The following RCCD1 variants were observed in gnomAD, a reference collection of about 807,000 sequenced individuals.
RCCD1 encodes the protein RCC1 domain containing 1.
RCCD1 carries 40 observed loss-of-function variants against 37.6 expected under a neutral mutation model. That is an observed-to-expected ratio of 1.06 (90% CI 0.83 to 1.39). The LOEUF (loss-of-function observed/expected upper bound fraction) is 1.39. Ranked by LOEUF, RCCD1 falls within the 40% of genes most tolerant of loss-of-function variation. The pLI, the probability that RCCD1 is intolerant of heterozygous loss-of-function variation, is 0.00. For missense variants in RCCD1, 577 were observed against 517.3 expected (o/e 1.12, Z -1.12); for synonymous variants, 263 against 230.0 (o/e 1.14, Z -1.30).
Position 90,956,716 on chromosome 15 carries a change from C to A in RCCD1, c.-19C>A. ...CCCGCCGCAGCCAGGCGGCGGCCGG[C>A]AGAGGGCGCTGCTCGGGCATGGCGG... On this transcript the variant is annotated 5_prime_UTR_variant, in exon 2 of 8. Transcript: ENST00000394258. 1 of 1,277,822 alleles carries A rather than the reference C, an allele frequency of 7.8e-7. No homozygotes were observed. The highest frequency in any genetic ancestry group is 9.9e-7 in the Non-Finnish European group (1 of 1,012,366). The allele number at this position is 1,277,822 out of a possible 1,614,324, so 79.2% of individuals were successfully genotyped here.
At chr15:90,958,458 C>G (rs1351806766) in intron 4 of RCCD1, among the ~76,000 whole-genome samples, 3 of 151,740 alleles carry the variant, frequency 2.0e-5, no homozygotes, top group Admixed American at 6.6e-5. Context: ...GAAACCCCGT[C>G]TCTAAAAAAA....
intron 6 of RCCD1, 48 bp downstream of exon 6, chr15:90,960,546 G>A (rs1444519808): frequency 4.5e-6 from 7 of 1,558,392 alleles, no homozygotes; most frequent in African/African-American, 2.7e-5. Context: ...TGGTGCCTAC[G>A]GAAGGGGGTG....
intron 7 of RCCD1, 37 bp from the exon 8 acceptor site, chr15:90,961,581 A>G (rs929795823): frequency 1.9e-6 from 3 of 1,594,198 alleles, no homozygotes; most frequent in Middle Eastern, 1.8e-4. Context: ...AGCAAGACCC[A>G]GTGGAGACGA....
At chr15:90,957,985 T>C (rs1184411604) in intron 4 of RCCD1, among the ~76,000 whole-genome samples, 2 of 152,148 alleles carry the variant, frequency 1.3e-5, no homozygotes, top group Non-Finnish European at 2.9e-5. Flanking sequence ...CCCCACCTGC[T>C]CCCAGCCAGG....
rs2037340671 is a variant in RCCD1, at chr15:90,962,800, G to C, written c.*1031G>C. 1 of 152,214 alleles carries C rather than the reference G, an allele frequency of 6.6e-6. No individual in the cohort carries two copies. The highest frequency in any genetic ancestry group is 2.4e-5 in the African/African-American group (1 of 41,460). The allele number at this position is 152,214 out of a possible 1,614,324, so 9.4% of individuals were successfully genotyped here. ...AGTGATTTTTCTTTTGGATATTTCA[G>C]ATACAAGTCTTTTGAGAGTTAGTAT... On this transcript the variant is annotated 3_prime_UTR_variant, in exon 8 of 8. Coordinates refer to ENST00000394258, the MANE Select transcript of RCCD1 (RefSeq NM_001017919.2).
Position 90,961,965 on chromosome 15 carries a change from G to GC in RCCD1, c.*197dup, listed in dbSNP as rs2037324629. 2.3e-6 allele frequency: 1 copy of GC among 432,142 alleles called. No individual in the cohort carries two copies. Among genetic ancestry groups the GC allele is most frequent in the Admixed American group, 3.9e-5 (1 of 25,396 alleles). 26.8% of individuals were successfully genotyped at this position (432,142 alleles called of 1,614,324 possible). Reference sequence around the variant, plus strand: ...TTGAAAACTCTGCTGCCTAAGGTCAGCATCAATCAAAACAATGAAATCAAT... The same window carrying GC: ...TTGAAAACTCTGCTGCCTAAGGTCAGCCATCAATCAAAACAATGAAATCAAT... On this transcript the variant is annotated 3_prime_UTR_variant, in exon 8 of 8. Transcript: ENST00000394258.
intron 5 of RCCD1, 56 bp from the exon 6 acceptor site, chr15:90,960,272 A>C: frequency 6.6e-7 from 1 of 1,514,328 alleles, no homozygotes; most frequent in Non-Finnish European, 8.9e-7. Context: ...TGACTGCATG[A>C]ATAAGATTTA....
chr15:90,961,499 T>G, intron 7 of RCCD1, 119 bp from the exon 8 acceptor site: 1 of 1,201,468 alleles, frequency 8.3e-7, no homozygotes, highest in Non-Finnish European at 1.1e-6. Context: ...GTCTCTTGGA[T>G]TCACAGAGCA....
In RCCD1 at chr15:90,962,275, TG is replaced by T; in HGVS notation, c.*509del. On this transcript the variant is annotated 3_prime_UTR_variant, in exon 8 of 8. Coordinates refer to ENST00000394258, the MANE Select transcript of RCCD1 (RefSeq NM_001017919.2). ...TCAGCATTGTATAATCCATCCTTGTTGGGTCCTGGAGTTCATTTTTAATGCT... is the reference window on the plus strand; with the variant it reads ...TCAGCATTGTATAATCCATCCTTGTTGGTCCTGGAGTTCATTTTTAATGCT... 3 of 153,612 alleles carry T rather than the reference TG, an allele frequency of 2.0e-5. No individual in the cohort carries two copies. The Middle Eastern group carries it at 0.01, about 519-fold the overall frequency. 9.5% of individuals were successfully genotyped at this position (153,612 alleles called of 1,614,324 possible).
chr15:90,961,819 C>A lies in RCCD1; in HGVS notation c.*50C>A. On this transcript the variant is annotated 3_prime_UTR_variant, in exon 8 of 8. Coordinates refer to ENST00000394258, the MANE Select transcript of RCCD1 (RefSeq NM_001017919.2). The stretch of plus-strand genomic sequence containing the variant: ...ACACCTGTGAGACCCCCATTCAGGT[C>A]AAGGAAAACCATTGCCTGCACCCCA... 1.9e-6 allele frequency: 3 copies of A among 1,564,854 alleles called. No individual in the cohort carries two copies. The highest frequency in any genetic ancestry group is 2.3e-5 in the South Asian group (2 of 85,126).
rs2037323279 is a variant in RCCD1 at position 90,961,903 on chromosome 15, C to A, written c.*134C>A. On this transcript the variant is annotated 3_prime_UTR_variant, in exon 8 of 8. Transcript: ENST00000394258. ...CTGCCCTTCACCCTCAAGCACGGTC[C>A]TAAACTTGTCTGCACTTTAGAAACA... 29 of 782,372 alleles carry A rather than the reference C, an allele frequency of 3.7e-5. No homozygotes were observed. The East Asian group carries it at 7.6e-4, about 21-fold the overall frequency. 48.5% of individuals were successfully genotyped at this position (782,372 alleles called of 1,614,324 possible).
Position 90,960,422 on chromosome 15 carries a change from G to C in RCCD1, c.873G>C (p.Pro291=). The C allele has an allele frequency of 6.2e-7, 1 of 1,613,558 alleles. No individual in the cohort carries two copies. The highest frequency in any genetic ancestry group is 8.5e-7 in the Non-Finnish European group (1 of 1,180,000). Reference sequence around the variant, plus strand: ...CCTTCATAGCTGTCCAGCCCTTCCCGGCATTACTGGATCTCCCCATGGGCT... The same window carrying C: ...CCTTCATAGCTGTCCAGCCCTTCCCCGCATTACTGGATCTCCCCATGGGCT... The part of the protein sequence containing the change: ...PAPFIAVQPF[P]ALLDLPMGSD... The change falls in exon 6 of 8, where the codon CCG becomes CCC. Residue 291 remains proline, a synonymous_variant. Coordinates refer to ENST00000394258, the MANE Select transcript of RCCD1 (RefSeq NM_001017919.2).
In RCCD1 at chr15:90,957,435, G is replaced by A; in HGVS notation, c.489G>A (p.Leu163=). The A allele has an allele frequency of 6.5e-7, 1 of 1,538,910 alleles. No individual in the cohort carries two copies. Among genetic ancestry groups the A allele is most frequent in the Non-Finnish European group, 8.7e-7 (1 of 1,145,662 alleles). Residue 163 remains leucine, a synonymous_variant, in exon 3 of 8, where the codon CTG becomes CTA. Coordinates refer to ENST00000394258, the MANE Select transcript of RCCD1 (RefSeq NM_001017919.2). Reference sequence around the variant, plus strand: ...CTCCGGAGCTGCGGGCACGCCAGCTGGAGCTGGGCGCCGAGCACGCGTTGC... The same window carrying A: ...CTCCGGAGCTGCGGGCACGCCAGCTAGAGCTGGGCGCCGAGCACGCGTTGC... ...PLAPELRARQ[L]ELGAEHALLL... is the part of the protein sequence containing the mutation.
In RCCD1 at chr15:90,957,162, C is replaced by G; in HGVS notation, c.216C>G (p.Arg72=). Residue 72 remains arginine, a synonymous_variant, in exon 3 of 8, where the codon CGC becomes CGG. Transcript: ENST00000394258. ...GCTCAGCCAGCGGCGCGGCGGGCCG[C>G]TGCAAGGACGCGTGGGCCTCGGAGG... ...LSGSASGAAG[R]CKDAWASEGL... is the part of the protein sequence containing the mutation. The G allele has an allele frequency of 7.3e-7, 1 of 1,371,478 alleles. No individual in the cohort carries two copies. The highest frequency in any genetic ancestry group is 9.4e-7 in the Non-Finnish European group (1 of 1,069,124). The allele number at this position is 1,371,478 out of a possible 1,614,324, so 85.0% of individuals were successfully genotyped here. A position where few individuals can be genotyped will look rare whatever the true frequency, so the allele number is the denominator to read the frequency against.
At chr15:90,956,154 G>A (rs1296143356) in intron 1 of RCCD1, among the ~76,000 whole-genome samples, 2 of 152,212 alleles carry the variant, frequency 1.3e-5, no homozygotes, top group African/African-American at 4.8e-5. Context: ...AGTTGCAGAG[G>A]CACTGCCTCC....
chr15:90,956,526 A>G (rs892029221), intron 1 of RCCD1, 86 bp from the exon 2 acceptor site: 2 of 410,728 alleles, frequency 4.9e-6, no homozygotes, highest in African/African-American at 2.1e-5. Context: ...CCGGTAGGGC[A>G]TTAGTCAGGG....
chr15:90,958,155 C>T (rs528319134), intron 4 of RCCD1, among the ~76,000 whole-genome samples: 9 of 152,326 alleles, frequency 5.9e-5, no homozygotes, highest in African/African-American at 2.2e-4. Flanking sequence ...TGAGTGTGTC[C>T]CTGTGGTGGT....
intron 1 of RCCD1, among the ~76,000 whole-genome samples, 190 bp from the exon 2 acceptor site, chr15:90,956,422 C>G (rs1466131671): frequency 6.6e-6 from 1 of 152,230 alleles, no homozygotes; most frequent in East Asian, 1.9e-4. Context: ...GCCTAAAGGA[C>G]AGGCCACTTC....
chr15:90,959,440 G>A lies in RCCD1; in HGVS notation c.680-460G>A, dbSNP rs1286072294. Among the ~76,000 whole-genome samples, 3 of 152,182 alleles carry A rather than the reference G, an allele frequency of 2.0e-5. 1 individual carries two copies. Among genetic ancestry groups the A allele is most frequent in the South Asian group, 4.1e-4 (2 of 4,834 alleles). ...TGCAGTTGAAAAAGGGGCACAGGCCGGCCCAGTGGTTGTTTTATTTACTTA... is the reference window on the plus strand; with the variant it reads ...TGCAGTTGAAAAAGGGGCACAGGCCAGCCCAGTGGTTGTTTTATTTACTTA... On this transcript the variant is annotated intron_variant, in intron 4 of 7. Transcript: ENST00000394258.
Sources: allele counts gnomAD v4.1 joint callset (sites outside exome capture counted in the v4.1 genomes callset), GRCh38; gene constraint gnomAD v4.1.1; transcripts MANE v1.5; gene names NCBI Gene and HGNC (gene_info 2026-07-23, HGNC 2026-07-21).